The following CNTN1 variants were observed in gnomAD, a reference collection of about 807,000 sequenced individuals.
CNTN1 encodes contactin-1.
Under a neutral mutation model 126.4 loss-of-function variants are expected in CNTN1, and 38 were observed. The ratio of observed to expected loss-of-function variants is 0.30; its 90% CI spans 0.23 to 0.39. The LOEUF (loss-of-function observed/expected upper bound fraction) is 0.39. Ranked by LOEUF, CNTN1 falls within the 10% of genes least tolerant of loss-of-function variation. The probability of loss-of-function intolerance (pLI) is 1.00; values close to 1 mark genes in which losing one functional copy is unlikely to be tolerated. For missense variants in CNTN1, 1,009 were observed against 1,248.4 expected (o/e 0.81, Z 2.89); for synonymous variants, 413 against 422.6 (o/e 0.98, Z 0.28).
intron 17 of CNTN1, among the ~76,000 whole-genome samples, chr12:41,008,062 T>A (rs375019102): frequency 2.0e-5 from 3 of 152,230 alleles, no homozygotes; most frequent in Non-Finnish European, 4.4e-5. Flanking sequence ...AGTGGTCATT[T>A]GAATGATGAC....
chr12:40,988,245 T>C (rs985556121), intron 16 of CNTN1, among the ~76,000 whole-genome samples: 2 of 152,144 alleles, frequency 1.3e-5, no homozygotes, highest in Non-Finnish European at 2.9e-5. Context: ...AACAGACACC[T>C]GAATTTTTAT....
chr12:40,942,284 G>A (rs1023089138), intron 12 of CNTN1, among the ~76,000 whole-genome samples: 1 of 152,070 alleles, frequency 6.6e-6, no homozygotes, highest in Admixed American at 6.6e-5. Flanking sequence ...TTAATTAATG[G>A]CAATGCATGG....
At chr12:41,021,658 A>G (rs886938833) in intron 20 of CNTN1, among the ~76,000 whole-genome samples, 2 of 147,798 alleles carry the variant, frequency 1.4e-5, no homozygotes, top group Admixed American at 1.4e-4. Flanking sequence ...TTTTTGACAC[A>G]ATAGGTTATA....
intron 1 of CNTN1, among the ~76,000 whole-genome samples, chr12:40,713,837 T>TA (rs1198048526): frequency 6.6e-6 from 1 of 152,116 alleles, no homozygotes; most frequent in Non-Finnish European, 1.5e-5. Context: ...TAGAGTCATA[T>TA]GTCTTTTCCA....
chr12:40,890,318 T>C (rs1399860852), intron 1 of CNTN1, among the ~76,000 whole-genome samples: 1 of 152,170 alleles, frequency 6.6e-6, no homozygotes, highest in Non-Finnish European at 1.5e-5. Flanking sequence ...GGTACAGTTG[T>C]TAAAATCGAT....
At chr12:40,947,318 A>T (rs1946467990) in intron 14 of CNTN1, among the ~76,000 whole-genome samples, 1 of 152,062 alleles carries the variant, frequency 6.6e-6, no homozygotes, top group African/African-American at 2.4e-5. Flanking sequence ...AATTTAATAA[A>T]TCTGAGGCTT....
At position 40,939,502 on chromosome 12, in the gene CNTN1, G is replaced by A. The variant is rs975999641; in HGVS notation, c.1379+17G>A. ...TAGCAGCAGGTCAGTGCTGAAACTA[G>A]AAATCCAATTGCAAAATCTGTTTGA... is the stretch of plus-strand genomic sequence containing the variant. On this transcript the variant is annotated intron_variant, in intron 12 of 23. Coordinates refer to ENST00000551295, the MANE Select transcript of CNTN1 (RefSeq NM_001843.4). The A allele has an allele frequency of 1.2e-6, 2 of 1,613,068 alleles. No homozygotes were observed. The highest frequency in any genetic ancestry group is 1.3e-5 in the African/African-American group (1 of 74,888).
At chr12:40,971,535 G>A (rs979811867) in intron 15 of CNTN1, 2 of 1,588,280 alleles carry the variant, frequency 1.3e-6, no homozygotes, top group African/African-American at 2.7e-5. Context: ...CACCATTTCT[G>A]TGAAAGACTT....
intron 1 of CNTN1, among the ~76,000 whole-genome samples, chr12:40,707,217 T>A: frequency 1.4e-5 from 2 of 143,496 alleles, no homozygotes; most frequent in Non-Finnish European, 1.5e-5. Flanking sequence ...CTTTCATTTC[T>A]TTTCTTTTTC....
chr12:40,780,472 G>A (rs148508876), intron 1 of CNTN1, among the ~76,000 whole-genome samples: 2 of 151,928 alleles, frequency 1.3e-5, no homozygotes, highest in African/African-American at 4.8e-5. Flanking sequence ...CAATATGGCA[G>A]CTACAGTATT....
intron 16 of CNTN1, among the ~76,000 whole-genome samples, chr12:40,987,769 C>G (rs1172512533): frequency 6.6e-6 from 1 of 152,070 alleles, no homozygotes; most frequent in East Asian, 1.9e-4. Flanking sequence ...TGAGTGTAAA[C>G]AGCCAAAACC....
At chr12:41,054,395 A>C (rs1949756958) in intron 23 of CNTN1, among the ~76,000 whole-genome samples, 4 of 152,130 alleles carry the variant, frequency 2.6e-5, no homozygotes, top group Admixed American at 2.0e-4. Context: ...CCTATTTTTC[A>C]TGGAACATAA....
At chr12:40,952,855 T>A (rs1266979932) in intron 14 of CNTN1, among the ~76,000 whole-genome samples, 1 of 152,166 alleles carries the variant, frequency 6.6e-6, no homozygotes, top group Non-Finnish European at 1.5e-5. Context: ...ATAGCATATA[T>A]CAGACATATT....
chr12:40,977,983 C>T (rs888815373), intron 15 of CNTN1, among the ~76,000 whole-genome samples: 2 of 151,702 alleles, frequency 1.3e-5, no homozygotes, highest in Non-Finnish European at 2.9e-5. Context: ...TTGTATTTTT[C>T]GTAGAGATCC....
At chr12:40,996,586 T>A (rs1336963321) in intron 17 of CNTN1, among the ~76,000 whole-genome samples, 2 of 152,220 alleles carry the variant, frequency 1.3e-5, no homozygotes, top group African/African-American at 2.4e-5. Flanking sequence ...CTTTAAAAAT[T>A]TAATATGCTT....
chr12:40,783,730 A>T (rs1939893665), intron 1 of CNTN1, among the ~76,000 whole-genome samples: 1 of 152,190 alleles, frequency 6.6e-6, no homozygotes, highest in African/African-American at 2.4e-5. Context: ...GGTAATAAAA[A>T]ACCAAATAGA....
In CNTN1 at chr12:40,989,188, G is replaced by C. The variant is rs544958596; in HGVS notation, c.1964-3932G>C. Among the ~76,000 whole-genome samples the C allele has an allele frequency of 2.6e-5, 4 of 152,200 alleles. No homozygotes were observed. In the South Asian group the frequency reaches 8.3e-4, roughly 32 times the overall value. On this transcript the variant is annotated intron_variant, in intron 16 of 23. Transcript: ENST00000551295. ...AACTGCATAGGTGATTTTGGAAGCAGTAAAAAAAGAAGAAAGAGAAGAAGA... is the reference window on the plus strand; with the variant it reads ...AACTGCATAGGTGATTTTGGAAGCACTAAAAAAAGAAGAAAGAGAAGAAGA...
At chr12:40,699,562 T>C (rs1941543435) in intron 1 of CNTN1, among the ~76,000 whole-genome samples, 1 of 152,188 alleles carries the variant, frequency 6.6e-6, no homozygotes, top group Non-Finnish European at 1.5e-5. Flanking sequence ...ACATGGATAA[T>C]GTCGATGTAT....
intron 4 of CNTN1, among the ~76,000 whole-genome samples, chr12:40,921,112 G>T (rs1172491894): frequency 6.6e-6 from 1 of 152,158 alleles, no homozygotes; most frequent in Non-Finnish European, 1.5e-5. Context: ...TTGTAATTTA[G>T]TAAGTTTTAA....
Sources: gnomAD v4.1 joint callset for allele counts (sites outside exome capture counted in the v4.1 genomes callset) on GRCh38, gnomAD v4.1.1 for gene constraint, MANE v1.5 for transcripts, NCBI Gene and HGNC (gene_info 2026-07-23, HGNC 2026-07-21) for gene names.